Variants in SEL1L3 observed in about 807,000 individuals in gnomAD.
SEL1L3 encodes the protein protein sel-1 homolog 3.
Under a neutral mutation model 142.8 loss-of-function variants are expected in SEL1L3, and 76 were observed. The observed-to-expected ratio is 0.53, with a 90% CI of 0.44 to 0.64. SEL1L3 has a LOEUF of 0.64. SEL1L3 is among the 30% of genes least tolerant of loss of function. The probability of loss-of-function intolerance (pLI) is 0.00; values close to 1 mark genes in which losing one functional copy is unlikely to be tolerated. For synonymous variants in SEL1L3, 504 were observed against 519.6 expected, an observed-to-expected ratio of 0.97 and a Z score of 0.41; for missense variants, 1,262 against 1,381.7, an observed-to-expected ratio of 0.91 and a Z score of 1.37.
At chr4:25,736,121 GC>G in the SEL1L3 span, among the ~76,000 whole-genome samples, 3 of 151,512 alleles carry the variant, frequency 2.0e-5, no homozygotes, top group African/African-American at 7.3e-5. Context: ...GAGCCACCGT[GC>G]CCGGCCAGTA....
At chr4:25,820,714 T>C (rs531017091) in intron 7 of SEL1L3, among the ~76,000 whole-genome samples, 2 of 152,364 alleles carry the variant, frequency 1.3e-5, no homozygotes, top group African/African-American at 4.8e-5. Context: ...TTCCATTTTA[T>C]GTGTGAATAT....
chr4:25,828,876 A>G (rs1022175055), intron 6 of SEL1L3, among the ~76,000 whole-genome samples: 1 of 152,238 alleles, frequency 6.6e-6, no homozygotes, highest in African/African-American at 2.4e-5. Flanking sequence ...GACTCGAAGA[A>G]TAAAACACTC....
Position 25,747,831 on chromosome 4 carries a change from G to C in SEL1L3, c.*594C>G, listed in dbSNP as rs888417603. On this transcript the variant is annotated 3_prime_UTR_variant, in exon 24 of 24. Coordinates refer to ENST00000399878, the MANE Select transcript of SEL1L3 (RefSeq NM_015187.5). ...ATGATTCGGAAGCACTAGGACCCTA[G>C]AAAAATTCAAGGAGAAAAATGTAAA... is the stretch of plus-strand genomic sequence containing the variant. 2 of 152,738 alleles carry C rather than the reference G, an allele frequency of 1.3e-5. No individual in the cohort carries two copies. The highest frequency in any genetic ancestry group is 4.8e-5 in the African/African-American group (2 of 41,446). 9.5% of individuals were successfully genotyped at this position (152,738 alleles called of 1,614,324 possible). A position where few individuals can be genotyped will look rare whatever the true frequency, so the allele number is the denominator to read the frequency against.
intron 9 of SEL1L3, among the ~76,000 whole-genome samples, chr4:25,811,437 G>C (rs1256141326): frequency 6.6e-6 from 1 of 152,138 alleles, no homozygotes; most frequent in Admixed American, 6.5e-5. Flanking sequence ...AGAAATGAGG[G>C]AAATGTGGAA....
chr4:25,733,339 C>T, the SEL1L3 span, among the ~76,000 whole-genome samples: 2 of 151,500 alleles, frequency 1.3e-5, no homozygotes, highest in African/African-American at 4.8e-5. Context: ...TCTTGTAAGC[C>T]TTTTGTTATC....
chr4:25,790,330 C>T (rs1006754068), intron 12 of SEL1L3, 125 bp downstream of exon 12: 13 of 891,018 alleles, frequency 1.5e-5, no homozygotes, highest in Non-Finnish European at 2.2e-5. Context: ...ATTGGACATG[C>T]AGTGTGAGTG....
intron 10 of SEL1L3, among the ~76,000 whole-genome samples, chr4:25,803,097 G>A (rs368881510): frequency 3.3e-5 from 5 of 152,286 alleles, no homozygotes; most frequent in African/African-American, 9.6e-5. Context: ...CGATGGACAC[G>A]GGGTCTGGAT....
intron 20 of SEL1L3, among the ~76,000 whole-genome samples, chr4:25,763,231 C>G (rs1718501441): frequency 6.7e-6 from 1 of 150,206 alleles, no homozygotes; most frequent in South Asian, 2.1e-4. Flanking sequence ...GGAAATATGA[C>G]CTAAGGGAGT....
At chr4:25,800,316 C>T (rs1289723254) in intron 11 of SEL1L3, among the ~76,000 whole-genome samples, 1 of 152,206 alleles carries the variant, frequency 6.6e-6, no homozygotes, top group African/African-American at 2.4e-5. Flanking sequence ...ATTAATTACC[C>T]ATTCTTAAGA....
chr4:25,754,897 A>T (rs1197834196), intron 23 of SEL1L3, among the ~76,000 whole-genome samples: 1 of 152,104 alleles, frequency 6.6e-6, no homozygotes, highest in Non-Finnish European at 1.5e-5. Flanking sequence ...ATTGATTTTT[A>T]AAAATGTGTG....
chr4:25,837,711 GA>G (rs1715925945), intron 2 of SEL1L3, among the ~76,000 whole-genome samples: 2 of 151,996 alleles, frequency 1.3e-5, no homozygotes, highest in South Asian at 4.2e-4. Flanking sequence ...TAATGAACAA[GA>G]ATTAATTTTG....
At chr4:25,808,844 C>T (rs1361235374) in intron 9 of SEL1L3, among the ~76,000 whole-genome samples, 3 of 152,248 alleles carry the variant, frequency 2.0e-5, no homozygotes, top group East Asian at 3.9e-4. Context: ...CCGAGGCGGG[C>T]AGATCACGAG....
chr4:25,766,309 G>A (rs1374641392), intron 19 of SEL1L3, among the ~76,000 whole-genome samples: 1 of 151,934 alleles, frequency 6.6e-6, no homozygotes, highest in Non-Finnish European at 1.5e-5. Context: ...GAATGGTGGT[G>A]CGTTCCTGTA....
chr4:25,819,177 T>C (rs187724336), intron 8 of SEL1L3, among the ~76,000 whole-genome samples: 2 of 152,342 alleles, frequency 1.3e-5, no homozygotes, highest in African/African-American at 4.8e-5. Flanking sequence ...GCTGGAACAC[T>C]GGCGAACCAG....
intron 17 of SEL1L3, among the ~76,000 whole-genome samples, chr4:25,769,755 A>T (rs1297093578): frequency 6.6e-6 from 1 of 152,162 alleles, no homozygotes; most frequent in African/African-American, 2.4e-5. Flanking sequence ...CTGCAAACCA[A>T]GGTCAAATAT....
chr4:25,775,924 G>A (rs1269342507), intron 17 of SEL1L3, among the ~76,000 whole-genome samples: 1 of 151,996 alleles, frequency 6.6e-6, no homozygotes, highest in Non-Finnish European at 1.5e-5. Flanking sequence ...CTGTGGCCTG[G>A]AAATAAAAAG....
At chr4:25,724,261 A>T in the SEL1L3 span, among the ~76,000 whole-genome samples, 1 of 152,048 alleles carries the variant, frequency 6.6e-6, no homozygotes, top group Non-Finnish European at 1.5e-5. Context: ...TCTACAAAAA[A>T]TGCAGGAATT....
At chr4:25,862,355 C>G (rs1717775722) in intron 1 of SEL1L3, among the ~76,000 whole-genome samples, 1 of 151,630 alleles carries the variant, frequency 6.6e-6, no homozygotes, top group East Asian at 2.0e-4. Context: ...GGGGAGCGAA[C>G]TCCGGGCGGC....
rs527538511 is a variant in SEL1L3, at chr4:25,805,475, G to T, written c.1565-723C>A. Among the ~76,000 whole-genome samples, 4 of 152,322 alleles carry T rather than the reference G, an allele frequency of 2.6e-5. No individual in the cohort carries two copies. The South Asian group carries it at 8.3e-4, about 32-fold the overall frequency. On this transcript the variant is annotated intron_variant, in intron 9 of 23. Transcript: ENST00000399878. ...TGCTTCAAAGGTCACTAAAGCCAGAGTTCACAGTCACCCTGATGCACGTAC... is the reference window on the plus strand; with the variant it reads ...TGCTTCAAAGGTCACTAAAGCCAGATTTCACAGTCACCCTGATGCACGTAC...
Sources: gnomAD v4.1 joint callset for allele counts (sites outside exome capture counted in the v4.1 genomes callset) on GRCh38, gnomAD v4.1.1 for gene constraint, MANE v1.5 for transcripts, NCBI Gene and HGNC (gene_info 2026-07-23, HGNC 2026-07-21) for gene names.